Variants in COL4A1 observed in about 807,000 individuals in gnomAD.
COL4A1 encodes the protein collagen type IV alpha 1 chain.
COL4A1 carries 40 observed loss-of-function variants against 216.6 expected under a neutral mutation model. The ratio of observed to expected loss-of-function variants is 0.18; its 90% CI spans 0.14 to 0.24. The LOEUF (loss-of-function observed/expected upper bound fraction) is 0.24. Among genes scored for constraint, COL4A1 ranks in the 10% least tolerant of loss-of-function variants. The pLI is 1.00. For synonymous variants in COL4A1, 839 were observed against 810.7 expected, an observed-to-expected ratio of 1.03 and a Z score of -0.59; for missense variants, 1,628 against 2,196.8, an observed-to-expected ratio of 0.74 and a Z score of 5.18.
chr13:110,285,259 C>T (rs1883793379), intron 1 of COL4A1, among the ~76,000 whole-genome samples: 1 of 152,200 alleles, frequency 6.6e-6, no homozygotes, highest in South Asian at 2.1e-4. Context: ...CGTGAATCTA[C>T]AATGGTGAAG....
chr13:110,289,070 C>T (rs941753487), intron 1 of COL4A1, among the ~76,000 whole-genome samples: 1 of 152,162 alleles, frequency 6.6e-6, no homozygotes, highest in African/African-American at 2.4e-5. Flanking sequence ...AGGCCTAGCC[C>T]TTCAGTGGAG....
At chr13:110,235,390 C>T (rs921895028) in intron 2 of COL4A1, among the ~76,000 whole-genome samples, 1 of 152,182 alleles carries the variant, frequency 6.6e-6, no homozygotes, top group Non-Finnish European at 1.5e-5. Flanking sequence ...GTGGCTCACG[C>T]CTGTAATCCC....
chr13:110,251,247 C>T (rs908779320), intron 1 of COL4A1, among the ~76,000 whole-genome samples: 14 of 152,218 alleles, frequency 9.2e-5, no homozygotes, highest in African/African-American at 3.1e-4. Flanking sequence ...CTGGTGCCAC[C>T]CTGGCCTGCA....
chr13:110,254,509 A>G (rs1882425844), intron 1 of COL4A1, among the ~76,000 whole-genome samples: 1 of 152,182 alleles, frequency 6.6e-6, no homozygotes, highest in Non-Finnish European at 1.5e-5. Flanking sequence ...GGAGCCCTAC[A>G]GTTTGTAACA....
intron 1 of COL4A1, among the ~76,000 whole-genome samples, chr13:110,294,611 T>A (rs1594123838): frequency 6.6e-6 from 1 of 152,238 alleles, no homozygotes; most frequent in East Asian, 1.9e-4. Context: ...GTTAGTCTCA[T>A]GAATGTACTT....
chr13:110,204,118 G>T (rs1288549659), intron 17 of COL4A1, among the ~76,000 whole-genome samples: 1 of 152,092 alleles, frequency 6.6e-6, no homozygotes, highest in Non-Finnish European at 1.5e-5. Context: ...GATAAATTCT[G>T]ATCACTTTAA....
intron 1 of COL4A1, among the ~76,000 whole-genome samples, chr13:110,302,747 A>G (rs1594130229): frequency 1.3e-5 from 2 of 152,260 alleles, no homozygotes; most frequent in East Asian, 3.8e-4. Context: ...CATTGTATGC[A>G]TAAGAATGGT....
intron 2 of COL4A1, among the ~76,000 whole-genome samples, chr13:110,240,218 T>TAA (rs140224913): frequency 3.3e-5 from 5 of 150,884 alleles, no homozygotes; most frequent in African/African-American, 1.2e-4. Context: ...TAAAAAAAAT[T>TAA]AAAAAAAAAC....
rs940780495 is a variant in COL4A1, at chr13:110,268,327, G to T, written c.85-25593C>A. 6.6e-6 allele frequency among the ~76,000 whole-genome samples: 1 copy of T among 151,046 alleles called. No homozygotes were observed. The highest frequency in any genetic ancestry group is 1.5e-5 in the Non-Finnish European group (1 of 67,768). ...CTGTCGTGCCAGGCTCAGGAGCTTG[G>T]ACCTGAATGCAAAAGATGGCAGGGA... On this transcript the variant is annotated intron_variant, in intron 1 of 51. Coordinates refer to ENST00000375820, the MANE Select transcript of COL4A1 (RefSeq NM_001845.6). The surrounding 1 kb of genome is among the most constrained non-coding windows in gnomAD (Gnocchi z 4.1).
chr13:110,211,613 T>C lies in COL4A1; in HGVS notation c.468+34A>G. On this transcript the variant is annotated intron_variant, in intron 8 of 51. Transcript: ENST00000375820. This position sits in a 1 kb window ranked among gnomAD's most constrained non-coding sequence, Gnocchi z 4.3. The stretch of plus-strand genomic sequence containing the variant: ...CTTGTTGTAAACAGATTCCCTGTAA[T>C]GAATCCAATAAAGCAAAATAAAATA... 2 of 1,603,416 alleles carry C rather than the reference T, an allele frequency of 1.2e-6. No homozygotes were observed. Among genetic ancestry groups the C allele is most frequent in the South Asian group, 2.2e-5 (2 of 89,664 alleles).
At chr13:110,274,538 T>C (rs571772466) in intron 1 of COL4A1, among the ~76,000 whole-genome samples, 48 of 152,184 alleles carry the variant, frequency 3.2e-4, no homozygotes, top group African/African-American at 1.2e-3. Context: ...CCTGGTCAGG[T>C]GGGGTCAGCA....
chr13:110,151,630 C>T (rs900310658), intron 51 of COL4A1, among the ~76,000 whole-genome samples: 2 of 152,164 alleles, frequency 1.3e-5, no homozygotes, highest in East Asian at 1.9e-4. Flanking sequence ...GGGTGAGAAG[C>T]GCTTGTTTTG....
At position 110,167,201 on chromosome 13, in the gene COL4A1, G is replaced by T; in HGVS notation, c.3906C>A (p.Gly1302=). 1.2e-6 allele frequency: 2 copies of T among 1,614,004 alleles called. No homozygotes were observed. Among genetic ancestry groups the T allele is most frequent in the Non-Finnish European group, 1.7e-6 (2 of 1,179,918 alleles). Reference sequence around the variant, plus strand: ...CTGGAGGCCCCATATCACCCTTAGAGCCTGTGATTCCTGGAGAGCCACCAA... The same window carrying T: ...CTGGAGGCCCCATATCACCCTTAGATCCTGTGATTCCTGGAGAGCCACCAA... The part of the protein sequence containing the change: ...PGIGGSPGIT[G]SKGDMGPPGV... Residue 1302 remains glycine, a synonymous_variant, in exon 44 of 52, where the codon GGC becomes GGA. Coordinates refer to ENST00000375820, the MANE Select transcript of COL4A1 (RefSeq NM_001845.6).
intron 2 of COL4A1, among the ~76,000 whole-genome samples, chr13:110,214,643 G>A (rs1879982085): frequency 6.6e-6 from 1 of 152,178 alleles, no homozygotes; most frequent in East Asian, 1.9e-4. Context: ...ATCTTCTCCT[G>A]CCCTTGGACA....
chr13:110,250,721 G>T (rs1454025897), intron 1 of COL4A1, among the ~76,000 whole-genome samples: 4 of 152,150 alleles, frequency 2.6e-5, no homozygotes, highest in Non-Finnish European at 5.9e-5. Context: ...ACCCATGGGT[G>T]GAAACACTGT....
chr13:110,259,468 T>C (rs1566424542), intron 1 of COL4A1, among the ~76,000 whole-genome samples: 1 of 152,194 alleles, frequency 6.6e-6, no homozygotes. Flanking sequence ...GGAAATCTTA[T>C]TTTAGCCTAA....
intron 50 of COL4A1, among the ~76,000 whole-genome samples, chr13:110,154,263 T>A: frequency 6.6e-6 from 1 of 152,210 alleles, no homozygotes; most frequent in Non-Finnish European, 1.5e-5. Context: ...ATATATTCAA[T>A]CAATACTGCC....
chr13:110,167,673 C>G (rs1415190705), intron 43 of COL4A1, among the ~76,000 whole-genome samples: 1 of 152,110 alleles, frequency 6.6e-6, no homozygotes, highest in Non-Finnish European at 1.5e-5. Flanking sequence ...AGTTTCATGT[C>G]TTATCTGAAA....
At chr13:110,164,113 C>T (rs1250084502) in intron 46 of COL4A1, among the ~76,000 whole-genome samples, 1 of 151,148 alleles carries the variant, frequency 6.6e-6, no homozygotes, top group Non-Finnish European at 1.5e-5. Context: ...CTCAGCCTCT[C>T]GAGTAGCTGG....
Sources: gnomAD v4.1 joint callset for allele counts (sites outside exome capture counted in the v4.1 genomes callset) on GRCh38, gnomAD v4.1.1 for gene constraint, Gnocchi (gnomAD v3.1) non-coding constraint, MANE v1.5 for transcripts, NCBI Gene and HGNC (gene_info 2026-07-23, HGNC 2026-07-21) for gene names.